The following ARID3B variants were observed in gnomAD, a reference collection of about 807,000 sequenced individuals.
The protein encoded by ARID3B is AT-rich interactive domain-containing protein 3B.
In ARID3B, 10 loss-of-function variants were observed where a neutral mutation model predicts 51.9. The ratio of observed to expected loss-of-function variants is 0.19; its 90% CI spans 0.12 to 0.33. The LOEUF (loss-of-function observed/expected upper bound fraction) is 0.33. Among genes scored for constraint, ARID3B ranks in the 10% least tolerant of loss-of-function variants. The pLI is 1.00. For synonymous variants in ARID3B, 205 were observed against 279.5 expected (o/e 0.73, Z 2.66); for missense variants, 483 against 716.3 (o/e 0.67, Z 3.72).
Position 74,596,706 on chromosome 15 carries a change from A to G in ARID3B, c.*932A>G. 4.3e-6 allele frequency: 1 copy of G among 233,712 alleles called. No individual in the cohort carries two copies. Among genetic ancestry groups the G allele is most frequent in the East Asian group, 6.0e-5 (1 of 16,600 alleles). 14.5% of individuals were successfully genotyped at this position (233,712 alleles called of 1,614,324 possible). ...ACGTGCCGATGTCAGGTTCATTGAA[A>G]TACCTCAGATTTGTAATTGTTGATG... On this transcript the variant is annotated 3_prime_UTR_variant, in exon 9 of 9. Coordinates refer to ENST00000346246, the MANE Select transcript of ARID3B (RefSeq NM_006465.4).
intron 2 of ARID3B, among the ~76,000 whole-genome samples, chr15:74,569,019 T>C (rs1400834364): frequency 6.6e-6 from 1 of 152,204 alleles, no homozygotes; most frequent in Admixed American, 6.5e-5. Context: ...CCTCTGCTGT[T>C]CCCTGCTTTC....
In ARID3B at chr15:74,543,895, G is replaced by T. The variant is rs1360534382; in HGVS notation, c.-42G>T. The stretch of plus-strand genomic sequence containing the variant: ...AGTGTGCCTGGTGGGCTGTGCCCAG[G>T]TTCAGAGTCATGCCACTCTGTGGGT... On this transcript the variant is annotated 5_prime_UTR_variant, in exon 2 of 9. Coordinates refer to ENST00000346246, the MANE Select transcript of ARID3B (RefSeq NM_006465.4). 1 of 1,576,456 alleles carries T rather than the reference G, an allele frequency of 6.3e-7. No individual in the cohort carries two copies. Among genetic ancestry groups the T allele is most frequent in the African/African-American group, 1.3e-5 (1 of 74,104 alleles).
At chr15:74,580,586 TGTAGA>T (rs903102003) in intron 4 of ARID3B, among the ~76,000 whole-genome samples, 1 of 152,286 alleles carries the variant, frequency 6.6e-6, no homozygotes, top group African/African-American at 2.4e-5. Flanking sequence ...GCTCCAGCTC[TGTAGA>T]GTAGAGAGAG....
rs901861763 is a variant in ARID3B, at chr15:74,579,985, G to T, written c.697+6781G>T. On this transcript the variant is annotated intron_variant, in intron 4 of 8. Coordinates refer to ENST00000346246, the MANE Select transcript of ARID3B (RefSeq NM_006465.4). ...GCAGGTGGATCACTTGAGGCCAGGG[G>T]TTTGAGACCAGCCTGGCCACCATGG... is the stretch of plus-strand genomic sequence containing the variant. Among the ~76,000 whole-genome samples the T allele has an allele frequency of 1.1e-4, 17 of 152,288 alleles. No individual in the cohort carries two copies. In the East Asian group the frequency reaches 2.1e-3, roughly 19 times the overall value.
At chr15:74,588,756 G>C (rs1031406072) in intron 4 of ARID3B, among the ~76,000 whole-genome samples, 1 of 151,844 alleles carries the variant, frequency 6.6e-6, no homozygotes, top group Non-Finnish European at 1.5e-5. Context: ...CTTCCTCCTC[G>C]GTGCCAGGTT....
At chr15:74,570,530 A>G (rs2061715673) in intron 2 of ARID3B, among the ~76,000 whole-genome samples, 1 of 150,268 alleles carries the variant, frequency 6.7e-6, no homozygotes, top group South Asian at 2.1e-4. Context: ...CTGATAGAGA[A>G]AGAGTCCTTC....
chr15:74,593,205 G>C lies in ARID3B; in HGVS notation c.1488G>C (p.Met496Ile). 6.2e-7 allele frequency: 1 copy of C among 1,613,576 alleles called. No homozygotes were observed. The highest frequency in any genetic ancestry group is 8.5e-7 in the Non-Finnish European group (1 of 1,179,952). The change falls in exon 8 of 9, where the codon ATG becomes ATC. Residue 496 changes from methionine (M) to isoleucine (I), a missense_variant. By Grantham distance (10) the Met-to-Ile change is conservative. This residue lies in a region of ARID3B where 265 missense variants were observed against 354.4 expected (regional missense o/e 0.75). Transcript: ENST00000346246. ...CGAGTAGCATTGGGAGCATTAACATGTCTGTGGACATCGATGGCACCACCT... is the reference window on the plus strand; with the variant it reads ...CGAGTAGCATTGGGAGCATTAACATCTCTGTGGACATCGATGGCACCACCT... ...LTTSSIGSIN[M>I]SVDIDGTTYA...
chr15:74,588,241 A>AC (rs1400413682), intron 4 of ARID3B, among the ~76,000 whole-genome samples: 1 of 151,880 alleles, frequency 6.6e-6, no homozygotes, highest in African/African-American at 2.4e-5. Context: ...CTTTTAAAAA[A>AC]AAAAAAAAAG....
intron 2 of ARID3B, among the ~76,000 whole-genome samples, chr15:74,564,375 TA>T (rs2061690495): frequency 6.6e-6 from 1 of 152,254 alleles, no homozygotes; most frequent in Admixed American, 6.5e-5. Context: ...ATTGGATTTT[TA>T]ACATTACATC....
rs36110488 is a variant in ARID3B at position 74,578,188 on chromosome 15, G to GT, written c.697+4988dup. Among the ~76,000 whole-genome samples the GT allele has an allele frequency of 2.3e-3, 344 of 148,540 alleles. 1 individual carries two copies. Among genetic ancestry groups the GT allele is most frequent in the African/African-American group, 7.5e-3 (299 of 40,120 alleles). ...TTTTTTGTTTTTTTTTGTTTTTTTT[G>GT]TTTTAAGCAAAGTCTCCCTCTGTAG... is the stretch of plus-strand genomic sequence containing the variant. On this transcript the variant is annotated intron_variant, in intron 4 of 8. Transcript: ENST00000346246.
chr15:74,562,385 C>T (rs2061682451), intron 2 of ARID3B, among the ~76,000 whole-genome samples: 1 of 152,234 alleles, frequency 6.6e-6, no homozygotes, highest in Non-Finnish European at 1.5e-5. Context: ...AGGTGATCCG[C>T]CCACCTCGGC....
chr15:74,548,414 C>A (rs777001564), intron 2 of ARID3B, among the ~76,000 whole-genome samples: 1 of 152,158 alleles, frequency 6.6e-6, no homozygotes, highest in African/African-American at 2.4e-5. Flanking sequence ...CTTTGGCAGT[C>A]GCTTTGGTTA....
chr15:74,541,955 A>T (rs983062765), intron 1 of ARID3B, among the ~76,000 whole-genome samples: 1 of 152,138 alleles, frequency 6.6e-6, no homozygotes, highest in Admixed American at 6.5e-5. Context: ...CTGCTTAGGG[A>T]CTGCGGGAAA....
intron 2 of ARID3B, among the ~76,000 whole-genome samples, chr15:74,560,799 G>T (rs578039994): frequency 3.6e-4 from 55 of 152,312 alleles, no homozygotes; most frequent in African/African-American, 1.2e-3. Flanking sequence ...GTAACCCTAT[G>T]CCCTGGTATA....
intron 4 of ARID3B, among the ~76,000 whole-genome samples, chr15:74,580,702 C>T (rs2061758828): frequency 6.6e-6 from 1 of 152,152 alleles, no homozygotes; most frequent in African/African-American, 2.4e-5. Flanking sequence ...AACTCCCAGG[C>T]CAGTGTGCTT....
chr15:74,587,642 G>A (rs1368948140), intron 4 of ARID3B, among the ~76,000 whole-genome samples: 1 of 152,152 alleles, frequency 6.6e-6, no homozygotes, highest in Non-Finnish European at 1.5e-5. Flanking sequence ...TAATGCCTTG[G>A]AAGGTGTGGA....
intron 2 of ARID3B, among the ~76,000 whole-genome samples, chr15:74,568,116 A>C (rs941021485): frequency 7.8e-4 from 119 of 152,280 alleles, no homozygotes; most frequent in African/African-American, 2.6e-3. Context: ...AAAAGTTAGC[A>C]ATTCTTATTT....
intron 2 of ARID3B, among the ~76,000 whole-genome samples, chr15:74,546,389 C>T (rs1434892113): frequency 6.6e-6 from 1 of 152,234 alleles, no homozygotes; most frequent in African/African-American, 2.4e-5. Context: ...TGGCCAGCGT[C>T]TGCGTGTGTG....
rs2061834382 is a variant in ARID3B, at chr15:74,597,834, C to CA, written c.*2061dup. The CA allele has an allele frequency of 2.0e-6, 1 of 505,546 alleles. No individual in the cohort carries two copies. The highest frequency in any genetic ancestry group is 3.8e-6 in the Non-Finnish European group (1 of 261,204). 31.3% of individuals were successfully genotyped at this position (505,546 alleles called of 1,614,324 possible). A position where few individuals can be genotyped will look rare whatever the true frequency, so the allele number is the denominator to read the frequency against. ...GAACCCTCACTGCCCTCAAGGACAA[C>CA]AGCAGGGTGTCACCCAGAGCCCGAT... On this transcript the variant is annotated 3_prime_UTR_variant, in exon 9 of 9. Transcript: ENST00000346246.
Sources: gnomAD v4.1 joint callset for allele counts (sites outside exome capture counted in the v4.1 genomes callset) on GRCh38, gnomAD v4.1.1 for gene constraint, gnomAD v4.1.1 regional missense constraint, MANE v1.5 for transcripts, NCBI Gene and HGNC (gene_info 2026-07-23, HGNC 2026-07-21) for gene names.